NFIB: variants seen among roughly 807,000 people sequenced by gnomAD.
NFIB encodes nuclear factor 1 B-type.
Under a neutral mutation model 61.5 loss-of-function variants are expected in NFIB, and 11 were observed. That is an observed-to-expected ratio of 0.18 (90% CI 0.11 to 0.30). The LOEUF (loss-of-function observed/expected upper bound fraction) is 0.30. NFIB is among the 10% of genes least tolerant of loss of function. NFIB has a pLI of 1.00. For synonymous variants in NFIB, 260 were observed against 216.5 expected (o/e 1.20, Z -1.76); for missense variants, 471 against 608.9 (o/e 0.77, Z 2.38).
At chr9:14,427,934 GTTGTTT>G in the NFIB span, among the ~76,000 whole-genome samples, 1 of 25,946 alleles carries the variant, frequency 3.9e-5, no homozygotes, top group Non-Finnish European at 8.3e-5. Flanking sequence ...CTTTAATTCA[GTTGTTT>G]TTTTTTTTTT....
the NFIB span, among the ~76,000 whole-genome samples, chr9:14,413,110 G>C: frequency 6.6e-6 from 1 of 152,104 alleles, no homozygotes; most frequent in Non-Finnish European, 1.5e-5. Flanking sequence ...CATGCTCTGT[G>C]CTCTCTCCAT....
intron 3 of NFIB, among the ~76,000 whole-genome samples, chr9:14,172,042 G>A (rs2045620685): frequency 6.6e-6 from 1 of 152,184 alleles, no homozygotes; most frequent in Non-Finnish European, 1.5e-5. Context: ...GTTTTAAACA[G>A]AGCATGGCCA....
At chr9:14,281,149 C>G (rs2132433123) in intron 2 of NFIB, among the ~76,000 whole-genome samples, 1 of 152,260 alleles carries the variant, frequency 6.6e-6, no homozygotes, top group East Asian at 1.9e-4. Context: ...AATGAACATT[C>G]AAAAGATTAA....
At chr9:14,207,625 C>A (rs1367231841) in intron 2 of NFIB, among the ~76,000 whole-genome samples, 1 of 152,178 alleles carries the variant, frequency 6.6e-6, no homozygotes, top group African/African-American at 2.4e-5. Context: ...CTTCCTCCTT[C>A]CCCACAAACC....
At chr9:14,177,907 A>C (rs2046356157) in intron 3 of NFIB, among the ~76,000 whole-genome samples, 1 of 152,180 alleles carries the variant, frequency 6.6e-6, no homozygotes, top group Admixed American at 6.5e-5. Flanking sequence ...TGAAAAATTG[A>C]ATGATGTTAC....
chr9:14,323,196 A>C (rs1260971153), intron 1 of NFIB, among the ~76,000 whole-genome samples: 1 of 152,142 alleles, frequency 6.6e-6, no homozygotes, highest in Non-Finnish European at 1.5e-5. Flanking sequence ...TAGTCACGCG[A>C]ATATCAAAAA....
intron 2 of NFIB, among the ~76,000 whole-genome samples, chr9:14,188,707 C>T (rs918841035): frequency 4.6e-5 from 7 of 152,190 alleles, no homozygotes; most frequent in Admixed American, 1.3e-4. Flanking sequence ...TAATAAAGTC[C>T]TTTCCAAAAC....
At chr9:14,161,373 T>C (rs2044182804) in intron 3 of NFIB, among the ~76,000 whole-genome samples, 2 of 152,094 alleles carry the variant, frequency 1.3e-5, no homozygotes, top group African/African-American at 4.8e-5. Context: ...TATCTCTCAA[T>C]ATGAAACGTA....
intron 2 of NFIB, among the ~76,000 whole-genome samples, chr9:14,181,902 G>C (rs1297958110): frequency 6.6e-6 from 1 of 152,182 alleles, no homozygotes; most frequent in Non-Finnish European, 1.5e-5. Context: ...TATTTCAGGA[G>C]TTGTAGACTC....
Position 14,314,072 on chromosome 9 carries a change from T to G in NFIB, c.-561A>C. 9.5e-7 allele frequency: 1 copy of G among 1,054,458 alleles called. No homozygotes were observed. The highest frequency in any genetic ancestry group is 1.1e-6 in the Non-Finnish European group (1 of 874,220). The allele number at this position is 1,054,458 out of a possible 1,614,324, so 65.3% of individuals were successfully genotyped here. ...CAAGCACTGCGGCAGGATCCCGGAG[T>G]GGTGATCGCAGGCGAAACTTTGCCG... On this transcript the variant is annotated 5_prime_UTR_variant, in exon 1 of 11. Coordinates refer to ENST00000380953, the MANE Select transcript of NFIB (RefSeq NM_001190737.2).
chr9:14,237,842 A>AGTGTGTGT (rs200054648), intron 2 of NFIB, among the ~76,000 whole-genome samples: 2,502 of 52,512 alleles, frequency 0.048, 468 homozygotes, highest in Non-Finnish European at 0.05. Context: ...TAGGTATAAC[A>AGTGTGTGT]GTGTGTGTGT....
Position 14,364,733 on chromosome 9 carries a change from A to G in NFIB, c.108+33791T>C, listed in dbSNP as rs146983630. 2.7e-3 allele frequency among the ~76,000 whole-genome samples: 417 copies of G among 152,324 alleles called. 3 individuals carry two copies. The highest frequency in any genetic ancestry group is 0.027 in the Middle Eastern group (8 of 294). ...GGTTTGCCAATATCCAGTCTTAAAG[A>G]GCACGTTTTGACAGTTACTATGGTT... On this transcript the variant is annotated intron_variant, in intron 1 of 8. Transcript: ENST00000380934.
chr9:14,306,472 C>A (rs1588248810), intron 2 of NFIB, among the ~76,000 whole-genome samples: 3 of 152,100 alleles, frequency 2.0e-5, no homozygotes. Flanking sequence ...CTATCTTAAG[C>A]ATTTTGTAAT....
chr9:14,488,806 T>A, the NFIB span, among the ~76,000 whole-genome samples: 1 of 152,340 alleles, frequency 6.6e-6, no homozygotes, highest in African/African-American at 2.4e-5. Flanking sequence ...TGAGTGAATG[T>A]CAAAGATGAA....
chr9:14,201,821 G>A (rs1186438943), intron 2 of NFIB, among the ~76,000 whole-genome samples: 1 of 151,802 alleles, frequency 6.6e-6, no homozygotes, highest in Non-Finnish European at 1.5e-5. Context: ...AAGTCATAAT[G>A]AGCTATCAAT....
intron 7 of NFIB, among the ~76,000 whole-genome samples, chr9:14,125,228 G>C (rs189787474): frequency 5.9e-5 from 9 of 152,288 alleles, no homozygotes; most frequent in African/African-American, 1.7e-4. Context: ...CACGATCTCG[G>C]CTTACTGCAA....
rs2042596317 is a variant in NFIB at position 14,149,158 on chromosome 9, C to T, written c.806+987G>A. The stretch of plus-strand genomic sequence containing the variant: ...TGTCAGAGACTATTTTAATAATAAA[C>T]CAAATTATCTTGCTACACAATTTAA... On this transcript the variant is annotated intron_variant, in intron 5 of 10. Transcript: ENST00000380953. Among the ~76,000 whole-genome samples, 3 of 152,134 alleles carry T rather than the reference C, an allele frequency of 2.0e-5. No individual in the cohort carries two copies. The South Asian group carries it at 6.2e-4, about 32-fold the overall frequency.
chr9:14,265,004 G>A (rs2132270818), intron 2 of NFIB, among the ~76,000 whole-genome samples: 1 of 152,284 alleles, frequency 6.6e-6, no homozygotes. Flanking sequence ...TGTTAAGTGA[G>A]TAGAAAGAGA....
intron 1 of NFIB, among the ~76,000 whole-genome samples, chr9:14,382,574 T>C (rs2061501662): frequency 6.6e-6 from 1 of 151,872 alleles, no homozygotes; most frequent in Admixed American, 6.6e-5. Context: ...TTTTGGAAAA[T>C]AGTTTGGCAT....
Sources: gnomAD v4.1 joint callset for allele counts (sites outside exome capture counted in the v4.1 genomes callset) on GRCh38, gnomAD v4.1.1 for gene constraint, MANE v1.5 for transcripts, NCBI Gene and HGNC (gene_info 2026-07-23, HGNC 2026-07-21) for gene names.